NEIL3: variants seen among roughly 807,000 people sequenced by gnomAD.
NEIL3 encodes endonuclease 8-like 3.
NEIL3 carries 48 observed loss-of-function variants against 57.5 expected under a neutral mutation model. The ratio of observed to expected loss-of-function variants is 0.83; its 90% CI spans 0.66 to 1.06. NEIL3 has a LOEUF of 1.06. NEIL3 is among the 50% of genes least tolerant of loss of function. The probability of loss-of-function intolerance (pLI) is 0.00; values close to 1 mark genes in which losing one functional copy is unlikely to be tolerated. For missense variants in NEIL3, 717 were observed against 739.1 expected, an observed-to-expected ratio of 0.97 and a Z score of 0.35; for synonymous variants, 261 against 253.2, an observed-to-expected ratio of 1.03 and a Z score of -0.29.
At chr4:177,335,279 C>CA (rs1734952529) in intron 2 of NEIL3, among the ~76,000 whole-genome samples, 1 of 152,092 alleles carries the variant, frequency 6.6e-6, no homozygotes, top group South Asian at 2.1e-4. Context: ...TATGAAAACA[C>CA]AAACTATAGG....
intron 5 of NEIL3, among the ~76,000 whole-genome samples, chr4:177,340,870 A>C (rs1297752855): frequency 6.6e-6 from 1 of 152,194 alleles, no homozygotes; most frequent in Non-Finnish European, 1.5e-5. Context: ...ATATCTTTTG[A>C]AGTAGAATTT....
At chr4:177,356,124 G>A (rs902907387) in intron 8 of NEIL3, among the ~76,000 whole-genome samples, 43 of 152,172 alleles carry the variant, frequency 2.8e-4, no homozygotes, top group Admixed American at 1.3e-4. Context: ...TAAGTGGAAA[G>A]TAGAAGTGAT....
At chr4:177,334,554 G>A (rs1734939789) in intron 2 of NEIL3, among the ~76,000 whole-genome samples, 1 of 152,084 alleles carries the variant, frequency 6.6e-6, no homozygotes, top group Non-Finnish European at 1.5e-5. Context: ...TGGCTTCTGG[G>A]CATGACAGTT....
At chr4:177,370,098 A>G in the NEIL3 span, among the ~76,000 whole-genome samples, 1 of 152,182 alleles carries the variant, frequency 6.6e-6, no homozygotes, top group East Asian at 1.9e-4. Context: ...AGTTCAAAAT[A>G]AAAGTATTTG....
chr4:177,349,034 A>ATTTTTTTTTT (rs70938582), intron 6 of NEIL3, among the ~76,000 whole-genome samples: 179 of 100,312 alleles, frequency 1.8e-3, no homozygotes, highest in East Asian at 6.6e-3. Context: ...CACCTGGCTA[A>ATTTTTTTTTT]TTTTTTTTTT....
intron 1 of NEIL3, among the ~76,000 whole-genome samples, chr4:177,311,005 T>A (rs1053407748): frequency 6.6e-6 from 1 of 152,194 alleles, no homozygotes; most frequent in African/African-American, 2.4e-5. Context: ...AAGTTTTACA[T>A]CTCCTTCCAA....
chr4:177,342,276 A>G (rs543318354), intron 6 of NEIL3, among the ~76,000 whole-genome samples: 2 of 152,288 alleles, frequency 1.3e-5, no homozygotes, highest in South Asian at 2.1e-4. Flanking sequence ...TAATCCTTGA[A>G]AAGTCTGATT....
intron 6 of NEIL3, 88 bp from the exon 7 acceptor site, chr4:177,351,292 G>A (rs1031505332): frequency 4.1e-6 from 3 of 731,110 alleles, no homozygotes; most frequent in Admixed American, 5.2e-5. Context: ...TAGCATTGGG[G>A]TATTAATGGT....
At chr4:177,325,038 A>G (rs898303639) in intron 2 of NEIL3, among the ~76,000 whole-genome samples, 17 of 152,146 alleles carry the variant, frequency 1.1e-4, no homozygotes, top group African/African-American at 4.1e-4. Context: ...TGTGATTTAC[A>G]TGACTCTGGC....
In NEIL3 at chr4:177,334,331, T is replaced by C. The variant is rs574040617; in HGVS notation, c.279-1357T>C. On this transcript the variant is annotated intron_variant, in intron 2 of 9. Transcript: ENST00000264596. Reference sequence around the variant, plus strand: ...TTTAATAAAACAAAATAAATAAAAATTTAAAAAAACATTTTATGCACTTTT... The same window carrying C: ...TTTAATAAAACAAAATAAATAAAAACTTAAAAAAACATTTTATGCACTTTT... Among the ~76,000 whole-genome samples the C allele has an allele frequency of 5.3e-5, 8 of 152,240 alleles. No homozygotes were observed. In the Middle Eastern group the frequency reaches 0.01, roughly 194 times the overall value.
At chr4:177,329,179 T>C (rs1734836233) in intron 2 of NEIL3, among the ~76,000 whole-genome samples, 1 of 151,894 alleles carries the variant, frequency 6.6e-6, no homozygotes, top group Non-Finnish European at 1.5e-5. Context: ...TCCAAAAGAA[T>C]GCATTAAAAG....
chr4:177,367,205 A>G (rs1029133861), downstream of NEIL3, among the ~76,000 whole-genome samples: 2 of 104,858 alleles, frequency 1.9e-5, no homozygotes, highest in African/African-American at 8.2e-5. Flanking sequence ...TCAGCTTGAC[A>G]GGTGATTTTT....
At chr4:177,319,750 A>G (rs564276569) in intron 1 of NEIL3, among the ~76,000 whole-genome samples, 1 of 152,186 alleles carries the variant, frequency 6.6e-6, no homozygotes, top group Non-Finnish European at 1.5e-5. Context: ...CCGAAGAAGC[A>G]GGGAACGCTA....
rs1735630234 is a variant in NEIL3, at chr4:177,362,548, C to T, written c.*77C>T. Reference sequence around the variant, plus strand: ...GTCCTCCTCTGTTTCATAGAAAAGTCATAGAATATCTATGATACATTGAAA... The same window carrying T: ...GTCCTCCTCTGTTTCATAGAAAAGTTATAGAATATCTATGATACATTGAAA... On this transcript the variant is annotated 3_prime_UTR_variant, in exon 10 of 10. Transcript: ENST00000264596. 1 of 1,133,450 alleles carries T rather than the reference C, an allele frequency of 8.8e-7. No individual in the cohort carries two copies. Among genetic ancestry groups the T allele is most frequent in the Non-Finnish European group, 1.2e-6 (1 of 801,144 alleles). 70.2% of individuals were successfully genotyped at this position (1,133,450 alleles called of 1,614,324 possible). A position where few individuals can be genotyped will look rare whatever the true frequency, so the allele number is the denominator to read the frequency against.
intron 5 of NEIL3, 131 bp downstream of exon 5, chr4:177,339,988 G>T: frequency 1.6e-6 from 1 of 631,942 alleles, no homozygotes. Flanking sequence ...AAGGGAGAGT[G>T]ACATTATGTG....
intron 1 of NEIL3, among the ~76,000 whole-genome samples, chr4:177,310,973 A>G (rs1254406035): frequency 1.3e-5 from 2 of 152,188 alleles, no homozygotes; most frequent in Non-Finnish European, 2.9e-5. Context: ...AAGAAAATAT[A>G]TTTTCAAACT....
chr4:177,358,593 C>T (rs1169795003), intron 8 of NEIL3, among the ~76,000 whole-genome samples: 1 of 152,170 alleles, frequency 6.6e-6, no homozygotes, highest in Non-Finnish European at 1.5e-5. Context: ...AGGCGTGAGC[C>T]ACCATGCCCA....
chr4:177,360,595 T>C lies in NEIL3; in HGVS notation c.1553T>C (p.Val518Ala), dbSNP rs1212622391. 2 of 1,613,874 alleles carry C rather than the reference T, an allele frequency of 1.2e-6. No homozygotes were observed. The highest frequency in any genetic ancestry group is 1.7e-6 in the Non-Finnish European group (2 of 1,179,944). Residue 518 changes from valine to alanine, a missense_variant, in exon 9 of 10, where the codon GTT (valine) becomes GCT (alanine). Transcript: ENST00000264596. ...SKHNRLCILR[V>A]VGKDGENKGR... The stretch of plus-strand genomic sequence containing the variant: ...CACAACCGCCTCTGCATTCTCCGAG[T>C]TGTGGGGAAGGATGGGGAAAACAAG...
At chr4:177,354,036 G>C (rs1309520232) in intron 8 of NEIL3, 1 of 258,108 alleles carries the variant, frequency 3.9e-6, no homozygotes, top group Non-Finnish European at 7.4e-6. Flanking sequence ...AAGGTGCTGG[G>C]ATTTACAGGC....
Sources: gnomAD v4.1 joint callset for allele counts (sites outside exome capture counted in the v4.1 genomes callset) on GRCh38, gnomAD v4.1.1 for gene constraint, MANE v1.5 for transcripts, NCBI Gene and HGNC (gene_info 2026-07-23, HGNC 2026-07-21) for gene names.